CDH9: variants seen among roughly 807,000 people sequenced by gnomAD.
CDH9 encodes cadherin-9.
CDH9 carries 28 observed loss-of-function variants against 70.9 expected under a neutral mutation model. The ratio of observed to expected loss-of-function variants is 0.40; its 90% confidence interval spans 0.29 to 0.54. The LOEUF (loss-of-function observed/expected upper bound fraction) is 0.54, where lower values mean the gene tolerates loss of function less well. CDH9 is among the 20% of genes least tolerant of loss of function. The pLI is 0.59. For missense variants in CDH9, 874 were observed against 984.4 expected (o/e 0.89, Z 1.50); for synonymous variants, 409 against 343.1 (o/e 1.19, Z -2.12).
intron 2 of CDH9, among the ~76,000 whole-genome samples, chr5:26,959,623 C>A (rs1408327044): frequency 6.6e-6 from 1 of 152,006 alleles, no homozygotes; most frequent in Admixed American, 6.6e-5. Context: ...GGATGAATGG[C>A]TGAACAAAAT....
intron 1 of CDH9, among the ~76,000 whole-genome samples, chr5:27,024,615 C>G (rs1400129143): frequency 1.3e-5 from 2 of 152,026 alleles, no homozygotes; most frequent in African/African-American, 2.4e-5. Flanking sequence ...TAATAATAAA[C>G]AAGAATAACA....
intron 2 of CDH9, among the ~76,000 whole-genome samples, chr5:26,966,460 G>A (rs1265829779): frequency 6.6e-6 from 1 of 152,138 alleles, no homozygotes; most frequent in African/African-American, 2.4e-5. Context: ...CCAATCTCTT[G>A]TAATTATATT....
At chr5:27,011,883 C>T (rs1162877125) in intron 1 of CDH9, among the ~76,000 whole-genome samples, 2 of 151,842 alleles carry the variant, frequency 1.3e-5, no homozygotes, top group Non-Finnish European at 2.9e-5. Context: ...TTATTTTTTT[C>T]CCTAATTTGT....
At chr5:26,946,367 T>C (rs938283746) in intron 2 of CDH9, among the ~76,000 whole-genome samples, 2 of 152,152 alleles carry the variant, frequency 1.3e-5, no homozygotes, top group African/African-American at 4.8e-5. Flanking sequence ...TTAAGTCTTA[T>C]TTATAAACAC....
Position 26,890,465 on chromosome 5 carries a change from A to G in CDH9, c.1353T>C (p.Ser451=). ...CTGTAACAGTGATGTTATGCCAAGG[A>G]GATGATTCCCGGTCAAGGGCTTTCA... is the stretch of plus-strand genomic sequence containing the variant. ...FTLKALDRES[S]PWHNITVTAT... The change falls in exon 8 of 12, where the codon TCT becomes TCC. Residue 451 remains serine, a synonymous_variant. Coordinates refer to ENST00000231021, the MANE Select transcript of CDH9 (RefSeq NM_016279.4). The G allele has an allele frequency of 1.2e-6, 2 of 1,613,580 alleles. No homozygotes were observed. Among genetic ancestry groups the G allele is most frequent in the Non-Finnish European group, 1.7e-6 (2 of 1,179,562 alleles).
chr5:26,964,097 T>C (rs1235975527), intron 2 of CDH9, among the ~76,000 whole-genome samples: 1 of 149,922 alleles, frequency 6.7e-6, no homozygotes, highest in African/African-American at 2.4e-5. Context: ...ATAATAAAGC[T>C]CTCATACTGT....
rs190694768 is a variant in CDH9, at chr5:26,890,205, T to G, written c.1390+223A>C. On this transcript the variant is annotated intron_variant, in intron 8 of 11. Transcript: ENST00000231021. ...TTAGATTATTTTTATGAGGTTAAAT[T>G]ATATTTCTCTCCTATATAAGGTGTA... Among the ~76,000 whole-genome samples, 38 of 152,346 alleles carry G rather than the reference T, an allele frequency of 2.5e-4. 1 individual carries two copies. In the East Asian group the frequency reaches 6.7e-3, roughly 27 times the overall value.
At chr5:26,962,613 T>C (rs1277923914) in intron 2 of CDH9, among the ~76,000 whole-genome samples, 1 of 152,172 alleles carries the variant, frequency 6.6e-6, no homozygotes, top group African/African-American at 2.4e-5. Flanking sequence ...GCTGCATAAA[T>C]GTCTTCTTTT....
chr5:26,915,659 G>A lies in CDH9; in HGVS notation c.494C>T (p.Thr165Ile). 2 of 1,601,418 alleles carry A rather than the reference G, an allele frequency of 1.2e-6. No homozygotes were observed. The highest frequency in any genetic ancestry group is 1.7e-6 in the Non-Finnish European group (2 of 1,168,532). Residue 165 changes from threonine to isoleucine, a missense_variant, in exon 3 of 12, where the codon ACT (threonine) becomes ATT (isoleucine). Thr to Ile is a moderately conservative substitution (Grantham distance 89, BLOSUM62 -1). Coordinates refer to ENST00000231021, the MANE Select transcript of CDH9 (RefSeq NM_016279.4). ...NEPKFTKDLYTASVPEMSGVG... is the reference protein window; with the variant it reads ...NEPKFTKDLYIASVPEMSGVG... ...TCCAGACATTTCAGGAACACTGGCA[G>A]TGTATAAGTCTTTTGTAAATTTTGG... is the stretch of plus-strand genomic sequence containing the variant.
At chr5:26,922,230 A>T (rs2112013248) in intron 2 of CDH9, among the ~76,000 whole-genome samples, 1 of 152,200 alleles carries the variant, frequency 6.6e-6, no homozygotes, top group African/African-American at 2.4e-5. Context: ...CAAGGACAAG[A>T]AGTTTATAGA....
At chr5:27,034,954 A>T (rs1247182440) in intron 1 of CDH9, among the ~76,000 whole-genome samples, 4 of 151,562 alleles carry the variant, frequency 2.6e-5, no homozygotes, top group African/African-American at 9.7e-5. Context: ...ATGACTCATA[A>T]GAGAAAAAAA....
chr5:26,986,659 T>C (rs1002528178), intron 2 of CDH9, among the ~76,000 whole-genome samples: 2 of 152,128 alleles, frequency 1.3e-5, no homozygotes, highest in Non-Finnish European at 2.9e-5. Context: ...ACTGATTCTG[T>C]AAGGCCCTGT....
chr5:26,945,345 C>CAT (rs1294267883), intron 2 of CDH9, among the ~76,000 whole-genome samples: 1 of 151,844 alleles, frequency 6.6e-6, no homozygotes, highest in African/African-American at 2.4e-5. Flanking sequence ...TAAAATAATG[C>CAT]ATATCATTTA....
chr5:26,967,161 C>T (rs1742144297), intron 2 of CDH9, among the ~76,000 whole-genome samples: 1 of 151,628 alleles, frequency 6.6e-6, no homozygotes. Context: ...ACTACCTTTC[C>T]CAGGTTGGTC....
chr5:26,934,044 C>A (rs977348164), intron 2 of CDH9, among the ~76,000 whole-genome samples: 2 of 151,994 alleles, frequency 1.3e-5, no homozygotes, highest in Non-Finnish European at 2.9e-5. Context: ...CTGATGAGAG[C>A]CTCAGATGGC....
intron 1 of CDH9, among the ~76,000 whole-genome samples, chr5:27,037,345 GACA>G (rs1743411497): frequency 6.6e-6 from 1 of 151,764 alleles, no homozygotes; most frequent in Non-Finnish European, 1.5e-5. Flanking sequence ...AATATAAAAT[GACA>G]ACACATCTCC....
chr5:26,969,013 A>G (rs894728987), intron 2 of CDH9, among the ~76,000 whole-genome samples: 3 of 152,166 alleles, frequency 2.0e-5, no homozygotes, highest in Non-Finnish European at 2.9e-5. Flanking sequence ...AAAACCTCAA[A>G]TCCCTTGCAC....
At chr5:26,887,124 C>T (rs1740578335) in intron 9 of CDH9, among the ~76,000 whole-genome samples, 1 of 152,156 alleles carries the variant, frequency 6.6e-6, no homozygotes, top group African/African-American at 2.4e-5. Flanking sequence ...ATCATTTTGA[C>T]AGCATGATAT....
At chr5:26,984,662 C>G (rs1228221332) in intron 2 of CDH9, among the ~76,000 whole-genome samples, 1 of 152,072 alleles carries the variant, frequency 6.6e-6, no homozygotes, top group African/African-American at 2.4e-5. Flanking sequence ...ATTTTAATTT[C>G]TCTCCTGAGC....
Sources: gnomAD v4.1 joint callset for allele counts (sites outside exome capture counted in the v4.1 genomes callset) on GRCh38, gnomAD v4.1.1 for gene constraint, MANE v1.5 for transcripts, NCBI Gene and HGNC (gene_info 2026-07-23, HGNC 2026-07-21) for gene names.